Variants in SUSD1 observed in about 807,000 individuals in gnomAD.
SUSD1 encodes sushi domain containing 1, also known as sushi domain-containing protein 1.
A neutral mutation model predicts 86.9 loss-of-function variants in SUSD1; 65 were observed. That is an observed-to-expected ratio of 0.75 (90% CI 0.61 to 0.92). The LOEUF is 0.92. Among genes scored for constraint, SUSD1 ranks in the 40% least tolerant of loss-of-function variants. The pLI is 0.00. For missense variants in SUSD1, 850 were observed against 929.7 expected (o/e 0.91, Z 1.11); for synonymous variants, 346 against 350.0 (o/e 0.99, Z 0.13).
intron 15 of SUSD1, among the ~76,000 whole-genome samples, chr9:112,051,591 C>CT (rs1465641003): frequency 2.6e-5 from 4 of 151,804 alleles, no homozygotes; most frequent in African/African-American, 9.7e-5. Flanking sequence ...GCCACCATGC[C>CT]TGGCTAATTT....
intron 10 of SUSD1, among the ~76,000 whole-genome samples, chr9:112,092,682 G>A (rs1830250524): frequency 6.6e-6 from 1 of 152,052 alleles, no homozygotes; most frequent in Non-Finnish European, 1.5e-5. Flanking sequence ...GTCACTTAAA[G>A]TCTTTCCTAG....
chr9:112,149,719 C>A (rs572078900), intron 2 of SUSD1, among the ~76,000 whole-genome samples: 1 of 152,140 alleles, frequency 6.6e-6, no homozygotes, highest in Non-Finnish European at 1.5e-5. Context: ...CAGAGGCCCA[C>A]GGAAACAAAC....
chr9:112,109,524 A>G (rs955749798), intron 8 of SUSD1, among the ~76,000 whole-genome samples: 2 of 152,250 alleles, frequency 1.3e-5, no homozygotes, highest in Non-Finnish European at 2.9e-5. Context: ...TTAACTTGCA[A>G]ATATAATCCA....
chr9:112,106,749 T>C (rs1830856651), intron 8 of SUSD1, among the ~76,000 whole-genome samples: 1 of 78,758 alleles, frequency 1.3e-5, no homozygotes, highest in African/African-American at 6.1e-5. Flanking sequence ...AAAGGAAGTT[T>C]TAAAAATAAA....
chr9:112,148,556 T>C lies in SUSD1; in HGVS notation c.373+688A>G, dbSNP rs193131163. 4.6e-3 allele frequency among the ~76,000 whole-genome samples: 703 copies of C among 152,070 alleles called. 4 individuals carry two copies. The highest frequency in any genetic ancestry group is 0.016 in the African/African-American group (649 of 41,468). ...CACCCCAAGGACCCCCGACCTGTGG[T>C]TACAGGAACCTGCAGGAGGCACACC... On this transcript the variant is annotated intron_variant, in intron 3 of 16. Transcript: ENST00000374270.
intron 12 of SUSD1, among the ~76,000 whole-genome samples, chr9:112,067,656 G>A (rs986744878): frequency 2.6e-5 from 4 of 152,160 alleles, no homozygotes; most frequent in Non-Finnish European, 5.9e-5. Flanking sequence ...GAGGACAGCA[G>A]GAAGAACTGC....
At chr9:112,141,748 TGTA>T (rs1439906648) in intron 5 of SUSD1, among the ~76,000 whole-genome samples, 11 of 127,338 alleles carry the variant, frequency 8.6e-5, no homozygotes, top group Non-Finnish European at 1.4e-4. Context: ...ATATATTACA[TGTA>T]ATATATAATA....
chr9:112,159,327 G>A (rs146673420), intron 1 of SUSD1, among the ~76,000 whole-genome samples: 1 of 152,118 alleles, frequency 6.6e-6, no homozygotes, highest in Non-Finnish European at 1.5e-5. Flanking sequence ...CTAGCCCTTA[G>A]GCTGCTCCAG....
intron 4 of SUSD1, among the ~76,000 whole-genome samples, chr9:112,142,961 C>CTTTTTTTTTTTTTTTTTTTTT (rs529470594): frequency 3.3e-5 from 1 of 30,216 alleles, no homozygotes; most frequent in Non-Finnish European, 7.0e-5. Flanking sequence ...TGAATTTTAG[C>CTTTTTTTTTTTTTTTTTTTTT]TTTTTTTTTT....
intron 10 of SUSD1, among the ~76,000 whole-genome samples, chr9:112,085,810 C>T (rs1190050797): frequency 6.6e-6 from 1 of 152,180 alleles, no homozygotes; most frequent in Non-Finnish European, 1.5e-5. Flanking sequence ...TTAAATATAA[C>T]TCACTACGCA....
At chr9:112,065,146 C>G (rs1439592795) in intron 12 of SUSD1, among the ~76,000 whole-genome samples, 1 of 152,190 alleles carries the variant, frequency 6.6e-6, no homozygotes, top group Non-Finnish European at 1.5e-5. Context: ...CCCTCTCATT[C>G]ACCTTGGGGT....
intron 1 of SUSD1, among the ~76,000 whole-genome samples, chr9:112,174,814 G>C (rs1834197561): frequency 6.6e-6 from 1 of 152,002 alleles, no homozygotes; most frequent in Admixed American, 6.5e-5. Context: ...CGCCCTGCCC[G>C]GGTCCGCGCT....
At chr9:112,172,151 T>C (rs1466666818) in intron 1 of SUSD1, among the ~76,000 whole-genome samples, 1 of 150,656 alleles carries the variant, frequency 6.6e-6, no homozygotes, top group East Asian at 1.9e-4. Flanking sequence ...AGCGAGATCA[T>C]GTCACCGCAC....
chr9:112,078,110 C>A (rs1829597978), intron 12 of SUSD1, among the ~76,000 whole-genome samples: 1 of 151,996 alleles, frequency 6.6e-6, no homozygotes, highest in African/African-American at 2.4e-5. Context: ...TTTGGGAGGC[C>A]GAGGCAGGTG....
intron 8 of SUSD1, among the ~76,000 whole-genome samples, chr9:112,105,558 A>C (rs1029693486): frequency 2.0e-5 from 3 of 152,262 alleles, no homozygotes; most frequent in Admixed American, 1.3e-4. Flanking sequence ...ATCTCTACTA[A>C]AAATACAAAA....
At position 112,105,569 on chromosome 9, in the gene SUSD1, A is replaced by G. The variant is rs903773684; in HGVS notation, c.1172-3284T>C. Among the ~76,000 whole-genome samples the G allele has an allele frequency of 2.0e-5, 3 of 152,214 alleles. No individual in the cohort carries two copies. In the South Asian group the frequency reaches 6.2e-4, roughly 32 times the overall value. The stretch of plus-strand genomic sequence containing the variant: ...CCCCATCTCTACTAAAAATACAAAA[A>G]TTAGCTGGGCATGGTGACACAAGCC... On this transcript the variant is annotated intron_variant, in intron 8 of 16. Transcript: ENST00000374270.
intron 15 of SUSD1, among the ~76,000 whole-genome samples, chr9:112,044,291 T>C (rs1024594690): frequency 6.6e-6 from 1 of 152,232 alleles, no homozygotes; most frequent in African/African-American, 2.4e-5. Context: ...GTTTGAATAC[T>C]GGAGTCAGAT....
At chr9:112,072,233 T>C (rs1439678425) in intron 12 of SUSD1, among the ~76,000 whole-genome samples, 1 of 142,164 alleles carries the variant, frequency 7.0e-6, no homozygotes, top group African/African-American at 2.6e-5. Flanking sequence ...TCACTGCAAC[T>C]CTGCCTCCCG....
rs191903363 is a variant in SUSD1, at chr9:112,058,689, G to A, written c.1851-3C>T. 12 of 1,608,692 alleles carry A rather than the reference G, an allele frequency of 7.5e-6. No individual in the cohort carries two copies. The Admixed American group carries it at 8.6e-5, about 12-fold the overall frequency. ...GAAGCACTAACACCTGATATGAACT[G>A]GAAGAAAAAAGGAGAAGTGTCCATC... On this transcript the variant is annotated splice_region_variant and splice_polypyrimidine_tract_variant and intron_variant, in intron 13 of 16. Coordinates refer to ENST00000374270, the MANE Select transcript of SUSD1 (RefSeq NM_022486.5).
Sources: allele counts gnomAD v4.1 joint callset (sites outside exome capture counted in the v4.1 genomes callset), GRCh38; gene constraint gnomAD v4.1.1; transcripts MANE v1.5; gene names NCBI Gene and HGNC (gene_info 2026-07-23, HGNC 2026-07-21).